Variants in PRRC2C observed in about 807,000 individuals in gnomAD.
PRRC2C encodes the protein proline rich coiled-coil 2C.
Under a neutral mutation model 317.2 loss-of-function variants are expected in PRRC2C, and 72 were observed. The ratio of observed to expected loss-of-function variants is 0.23; its 90% CI spans 0.19 to 0.28. The LOEUF (loss-of-function observed/expected upper bound fraction) is 0.28. Ranked by LOEUF, PRRC2C falls within the 10% of genes least tolerant of loss-of-function variation. The pLI, the probability that PRRC2C is intolerant of heterozygous loss-of-function variation, is 1.00. For synonymous variants in PRRC2C, 1,296 were observed against 1,205.9 expected (o/e 1.07, Z -1.55); for missense variants, 3,074 against 3,459.7 (o/e 0.89, Z 2.80).
At chr1:171,533,665 C>T (rs529313434) in intron 12 of PRRC2C, among the ~76,000 whole-genome samples, 66 of 152,212 alleles carry the variant, frequency 4.3e-4, no homozygotes, top group African/African-American at 1.4e-3. Flanking sequence ...CTCTCTGTCT[C>T]CAGGCTGGAG....
In PRRC2C at chr1:171,540,124, T is replaced by A. The variant is rs771099344; in HGVS notation, c.2658T>A (p.Pro886=). 2.5e-6 allele frequency: 4 copies of A among 1,613,830 alleles called. No individual in the cohort carries two copies. In the South Asian group the frequency reaches 4.4e-5, roughly 18 times the overall value. ...FLSRSVEDVR[P]HHTDANNQSA... ...GCAGATCTGTGGAAGATGTTAGACC[T>A]CACCATACTGATGCAAATAATCAGT... The change falls in exon 16 of 35, where the codon CCT becomes CCA. Residue 886 remains proline (P), a synonymous_variant. Coordinates refer to ENST00000647382, the MANE Select transcript of PRRC2C (RefSeq NM_001387844.1).
In PRRC2C at chr1:171,523,424, T is replaced by G; in HGVS notation, c.968-11T>G. The G allele has an allele frequency of 6.2e-7, 1 of 1,613,614 alleles. No homozygotes were observed. The highest frequency in any genetic ancestry group is 8.5e-7 in the Non-Finnish European group (1 of 1,179,718). Reference sequence around the variant, plus strand: ...TCAAGCAGCCAGTCTGAGTTTTCCTTAATTTAATAGGTGCTCAGATGGAAG... The same window carrying G: ...TCAAGCAGCCAGTCTGAGTTTTCCTGAATTTAATAGGTGCTCAGATGGAAG... On this transcript the variant is annotated splice_polypyrimidine_tract_variant and intron_variant, in intron 8 of 34. Coordinates refer to ENST00000647382, the MANE Select transcript of PRRC2C (RefSeq NM_001387844.1).
At chr1:171,572,717 A>G (rs1490164235) in intron 24 of PRRC2C, among the ~76,000 whole-genome samples, 1 of 152,170 alleles carries the variant, frequency 6.6e-6, no homozygotes, top group East Asian at 1.9e-4. Context: ...TTTTATCATT[A>G]TACTAGCAAG....
At chr1:171,498,751 G>A (rs1176854437) in intron 1 of PRRC2C, among the ~76,000 whole-genome samples, 2 of 152,130 alleles carry the variant, frequency 1.3e-5, no homozygotes, top group Non-Finnish European at 1.5e-5. Flanking sequence ...GAAGAGAATC[G>A]TAACTGCACA....
chr1:171,541,847 G>A lies in PRRC2C; in HGVS notation c.4381G>A (p.Gly1461Ser), dbSNP rs1221768382. 17 of 1,613,738 alleles carry A rather than the reference G, an allele frequency of 1.1e-5. No homozygotes were observed. Among genetic ancestry groups the A allele is most frequent in the Non-Finnish European group, 1.3e-5 (15 of 1,179,890 alleles). ...SNEVVAVPTNGTVNNVAQEPV... is the reference protein window; with the variant it reads ...SNEVVAVPTNSTVNNVAQEPV... Reference sequence around the variant, plus strand: ...TGAGGTGGTAGCAGTGCCCACAAATGGCACAGTTAATAATGTGGCTCAAGA... The same window carrying A: ...TGAGGTGGTAGCAGTGCCCACAAATAGCACAGTTAATAATGTGGCTCAAGA... The change falls in exon 16 of 35, where the codon GGC becomes AGC. Residue 1461 changes from glycine (G) to serine (S), a missense_variant. Coordinates refer to ENST00000647382, the MANE Select transcript of PRRC2C (RefSeq NM_001387844.1). This position sits in a 1 kb window ranked among gnomAD's most constrained non-coding sequence, Gnocchi z 4.1.
intron 9 of PRRC2C, among the ~76,000 whole-genome samples, chr1:171,524,525 T>A (rs1193666136): frequency 1.3e-5 from 2 of 152,226 alleles, no homozygotes; most frequent in Non-Finnish European, 2.9e-5. Flanking sequence ...ATTACCCAGT[T>A]ACATTTGGAT....
At position 171,574,240 on chromosome 1, in the gene PRRC2C, AAAAT is replaced by A. The variant is rs1338038266; in HGVS notation, c.6754-681_6754-678del. 2.6e-5 allele frequency among the ~76,000 whole-genome samples: 4 copies of A among 152,290 alleles called. No individual in the cohort carries two copies. The East Asian group carries it at 5.8e-4, about 22-fold the overall frequency. Reference sequence around the variant, plus strand: ...ATATTGGGTTGAATTAAATGTTTTCAAAATAAATATATAATCTATTTGTATTTAC... The same window carrying A: ...ATATTGGGTTGAATTAAATGTTTTCAAAATATATAATCTATTTGTATTTAC... On this transcript the variant is annotated intron_variant, in intron 24 of 34. Coordinates refer to ENST00000647382, the MANE Select transcript of PRRC2C (RefSeq NM_001387844.1).
chr1:171,591,402 AT>A, intron 34 of PRRC2C, 184 bp from the exon 35 acceptor site: 1 of 665,872 alleles, frequency 1.5e-6, no homozygotes, highest in Non-Finnish European at 2.2e-6. Context: ...ATCACATGAA[AT>A]ATTTCAAAAA....
intron 29 of PRRC2C, 106 bp downstream of exon 29, chr1:171,584,293 A>C (rs2102858872): frequency 1.5e-6 from 2 of 1,368,564 alleles, no homozygotes; most frequent in Non-Finnish European, 2.0e-6. Flanking sequence ...GCAATGAAAA[A>C]AACAAAGTCC....
At chr1:171,549,870 G>T (rs1300130575) in intron 17 of PRRC2C, among the ~76,000 whole-genome samples, 1 of 151,990 alleles carries the variant, frequency 6.6e-6, no homozygotes, top group Non-Finnish European at 1.5e-5. Context: ...CCAGTTTTAG[G>T]ATTTTTATTT....
At chr1:171,548,417 A>G (rs181437251) in intron 17 of PRRC2C, among the ~76,000 whole-genome samples, 1 of 152,384 alleles carries the variant, frequency 6.6e-6, no homozygotes, top group East Asian at 1.9e-4. Context: ...CATAGCTAAC[A>G]AGTATCACCT....
At chr1:171,514,757 A>T in intron 4 of PRRC2C, 112 bp downstream of exon 4, 1 of 929,646 alleles carries the variant, frequency 1.1e-6, no homozygotes, top group Non-Finnish European at 1.6e-6. Flanking sequence ...TTGTTAAAGG[A>T]TATACTCAAG....
chr1:171,543,634 A>G (rs901353360), intron 16 of PRRC2C, among the ~76,000 whole-genome samples: 1 of 152,162 alleles, frequency 6.6e-6, no homozygotes, highest in Non-Finnish European at 1.5e-5. Context: ...AGAATTTAAG[A>G]ATTTATTTGG....
chr1:171,521,022 T>C (rs998247269), intron 6 of PRRC2C, among the ~76,000 whole-genome samples: 1 of 151,756 alleles, frequency 6.6e-6, no homozygotes, highest in African/African-American at 2.4e-5. Context: ...GCCAGGATGG[T>C]CTCCATCTCC....
chr1:171,584,349 C>T (rs551758950), intron 29 of PRRC2C, 70 bp from the exon 30 acceptor site: 1 of 1,425,282 alleles, frequency 7.0e-7, no homozygotes, highest in African/African-American at 1.4e-5. Flanking sequence ...GCTTTGAAGT[C>T]ATAATCTCCA....
intron 6 of PRRC2C, among the ~76,000 whole-genome samples, chr1:171,520,278 A>C (rs1413680220): frequency 6.6e-6 from 1 of 152,082 alleles, no homozygotes; most frequent in Non-Finnish European, 1.5e-5. Context: ...ACGTTTTCCT[A>C]AAAGAAGTTT....
chr1:171,528,485 G>A (rs996745047), intron 11 of PRRC2C, among the ~76,000 whole-genome samples: 5 of 151,074 alleles, frequency 3.3e-5, no homozygotes, highest in Admixed American at 1.3e-4. Flanking sequence ...TAGAGACGGG[G>A]TTTCACCGTG....
chr1:171,554,778 T>C (rs1681014484), intron 18 of PRRC2C, among the ~76,000 whole-genome samples: 1 of 152,264 alleles, frequency 6.6e-6, no homozygotes. Context: ...TTAAGAATGT[T>C]GAATATTGGC....
intron 12 of PRRC2C, among the ~76,000 whole-genome samples, chr1:171,534,173 A>G (rs575812907): frequency 5.9e-5 from 9 of 152,256 alleles, no homozygotes; most frequent in Admixed American, 4.6e-4. Context: ...TAATTTTTTT[A>G]ATGAAATAAG....
Sources: gnomAD v4.1 joint callset for allele counts (sites outside exome capture counted in the v4.1 genomes callset) on GRCh38, gnomAD v4.1.1 for gene constraint, Gnocchi (gnomAD v3.1) non-coding constraint, MANE v1.5 for transcripts, NCBI Gene and HGNC (gene_info 2026-07-23, HGNC 2026-07-21) for gene names.